Variants in CYP26B1 observed in about 807,000 individuals in gnomAD.
The protein encoded by CYP26B1 is cytochrome P450 26B1.
A neutral mutation model predicts 39.1 loss-of-function variants in CYP26B1; 8 were observed. The observed-to-expected ratio is 0.20, with a 90% CI of 0.12 to 0.37. CYP26B1 has a LOEUF of 0.37. Among genes scored for constraint, CYP26B1 ranks in the 10% least tolerant of loss-of-function variants. The pLI is 1.00. For missense variants in CYP26B1, 615 were observed against 707.0 expected, an observed-to-expected ratio of 0.87 and a Z score of 1.48; for synonymous variants, 321 against 314.3, an observed-to-expected ratio of 1.02 and a Z score of -0.23.
chr2:72,144,150 C>G lies in CYP26B1; in HGVS notation c.268G>C (p.Gly90Arg). ...CCGGTCACGCGTATCAGCGGCCGCC[C>G]CAACAAATGCGTCTTGAACACGTTG... ...YGNVFKTHLL[G>R]RPLIRVTGAE... The change falls in exon 2 of 6, where the codon GGG becomes CGG. Residue 90 changes from glycine to arginine, a missense_variant. By Grantham distance (125) the Gly-to-Arg change is moderately radical (BLOSUM62 -2). Coordinates refer to ENST00000001146, the MANE Select transcript of CYP26B1 (RefSeq NM_019885.4). The G allele has an allele frequency of 6.2e-7, 1 of 1,611,072 alleles. No homozygotes were observed. The highest frequency in any genetic ancestry group is 8.5e-7 in the Non-Finnish European group (1 of 1,177,528).
rs1040889301 is a variant in CYP26B1 at position 72,147,544 on chromosome 2, G to A, written c.204+87C>T. 4.3e-5 allele frequency: 59 copies of A among 1,363,414 alleles called. No homozygotes were observed. Among genetic ancestry groups the A allele is most frequent in the Non-Finnish European group, 5.5e-5 (56 of 1,026,896 alleles). 84.5% of individuals were successfully genotyped at this position (1,363,414 alleles called of 1,614,324 possible). On this transcript the variant is annotated intron_variant, in intron 1 of 5. Coordinates refer to ENST00000001146, the MANE Select transcript of CYP26B1 (RefSeq NM_019885.4). This position sits in a 1 kb window ranked among gnomAD's most constrained non-coding sequence, Gnocchi z 6.1. ...CGGGGACCAGTGCCTTCAGGCTCCC[G>A]GCGCCCCCTGGCCGGCCCGCCGCTC...
chr2:72,146,328 G>A (rs958861138), intron 1 of CYP26B1, among the ~76,000 whole-genome samples: 1 of 150,498 alleles, frequency 6.6e-6, no homozygotes, highest in Admixed American at 6.6e-5. Context: ...AAGTGTGGTG[G>A]CGAGGGAAAG....
Position 72,130,707 on chromosome 2 carries a change from G to C in CYP26B1, c.*1520C>G, listed in dbSNP as rs1005553385. 1 of 152,284 alleles carries C rather than the reference G, an allele frequency of 6.6e-6. No individual in the cohort carries two copies. Among genetic ancestry groups the C allele is most frequent in the East Asian group, 1.9e-4 (1 of 5,182 alleles). The allele number at this position is 152,284 out of a possible 1,614,324, so 9.4% of individuals were successfully genotyped here. A position where few individuals can be genotyped will look rare whatever the true frequency, so the allele number is the denominator to read the frequency against. On this transcript the variant is annotated 3_prime_UTR_variant, in exon 6 of 6. Transcript: ENST00000001146. The stretch of plus-strand genomic sequence containing the variant: ...CCTTCCCCAGGAGGCATCCCAAATT[G>C]CCAACACTCAAAACGCCAGTGGCAG...
At chr2:72,145,116 G>T (rs965879826) in intron 1 of CYP26B1, among the ~76,000 whole-genome samples, 1 of 152,174 alleles carries the variant, frequency 6.6e-6, no homozygotes, top group African/African-American at 2.4e-5. Context: ...CGGCGCAAAG[G>T]GGAGGGGCGC....
intron 2 of CYP26B1, among the ~76,000 whole-genome samples, chr2:72,139,488 T>A (rs1428922713): frequency 6.6e-6 from 1 of 152,146 alleles, no homozygotes; most frequent in African/African-American, 2.4e-5. Context: ...GCGAGGAGGC[T>A]GGCCCAGACC....
At position 72,130,429 on chromosome 2, in the gene CYP26B1, G is replaced by A. The variant is rs1676531115; in HGVS notation, c.*1798C>T. 6.6e-6 allele frequency: 1 copy of A among 152,206 alleles called. No individual in the cohort carries two copies. Among genetic ancestry groups the A allele is most frequent in the Non-Finnish European group, 1.5e-5 (1 of 68,074 alleles). 9.4% of individuals were successfully genotyped at this position (152,206 alleles called of 1,614,324 possible). On this transcript the variant is annotated 3_prime_UTR_variant, in exon 6 of 6. Coordinates refer to ENST00000001146, the MANE Select transcript of CYP26B1 (RefSeq NM_019885.4). Reference sequence around the variant, plus strand: ...CAGGGATTGGAGAGCAGTCTGTGTGGTATGGGCCCGTTCCTATAGTCTATC... The same window carrying A: ...CAGGGATTGGAGAGCAGTCTGTGTGATATGGGCCCGTTCCTATAGTCTATC...
In CYP26B1 at chr2:72,133,036, G is replaced by T; in HGVS notation, c.1133C>A (p.Thr378Asn). ...ISGGYRTVLQTFELDGFQIPK... is the reference protein window; with the variant it reads ...ISGGYRTVLQNFELDGFQIPK... ...GCCCAGCCTCACATCAAGCTCGAAG[G>T]TCTGCAGCACAGTGCGGTAGCCGCC... is the stretch of plus-strand genomic sequence containing the variant. Residue 378 changes from threonine to asparagine, a missense_variant, in exon 5 of 6, where the codon ACC (threonine) becomes AAC (asparagine). By Grantham distance (65) the Thr-to-Asn change is moderately conservative. Transcript: ENST00000001146. 6.2e-7 allele frequency: 1 copy of T among 1,613,230 alleles called. No homozygotes were observed. The highest frequency in any genetic ancestry group is 8.5e-7 in the Non-Finnish European group (1 of 1,179,986).
In CYP26B1 at chr2:72,134,838, C is replaced by A; in HGVS notation, c.784G>T (p.Asp262Tyr). ...REKLQCTQGK[D>Y]YLDALDLLIE... Reference sequence around the variant, plus strand: ...AGGAGGTCCAGGGCGTCCAAGTAGTCCTTGCCCTGTGTGCACTGCAGCTTC... The same window carrying A: ...AGGAGGTCCAGGGCGTCCAAGTAGTACTTGCCCTGTGTGCACTGCAGCTTC... Residue 262 changes from aspartate to tyrosine, a missense_variant, in exon 4 of 6, where the codon GAC (aspartate) becomes TAC (tyrosine). Physicochemically the swap from Asp to Tyr is radical, Grantham distance 160. Coordinates refer to ENST00000001146, the MANE Select transcript of CYP26B1 (RefSeq NM_019885.4). 6.2e-7 allele frequency: 1 copy of A among 1,614,192 alleles called. No individual in the cohort carries two copies. Among genetic ancestry groups the A allele is most frequent in the Non-Finnish European group, 8.5e-7 (1 of 1,180,022 alleles).
At chr2:72,138,378 C>T (rs1012545665) in intron 2 of CYP26B1, among the ~76,000 whole-genome samples, 10 of 152,040 alleles carry the variant, frequency 6.6e-5, no homozygotes, top group East Asian at 1.9e-4. Context: ...GGCGTCAGGG[C>T]GGGCTGGGTC....
In CYP26B1 at chr2:72,134,878, C is replaced by T; in HGVS notation, c.744G>A (p.Glu248=). 6.2e-7 allele frequency: 1 copy of T among 1,614,028 alleles called. No homozygotes were observed. The highest frequency in any genetic ancestry group is 1.1e-5 in the South Asian group (1 of 91,074). ...QARQILQKGL[E]KAIREKLQCT... ...ACTGCAGCTTCTCCCGGATGGCCTT[C>T]TCCAGCCCCTTCTGCAGGATCTGCC... is the stretch of plus-strand genomic sequence containing the variant. The change falls in exon 4 of 6, where the codon GAG becomes GAA. Residue 248 remains glutamate (E), a synonymous_variant. Coordinates refer to ENST00000001146, the MANE Select transcript of CYP26B1 (RefSeq NM_019885.4).
chr2:72,133,439 C>T (rs1676661071), intron 4 of CYP26B1, 132 bp from the exon 5 acceptor site: 1 of 1,191,942 alleles, frequency 8.4e-7, no homozygotes, highest in Middle Eastern at 2.7e-4. Flanking sequence ...GTGAATTCTG[C>T]TTCCTCTGAG....
At position 72,131,798 on chromosome 2, in the gene CYP26B1, G is replaced by T; in HGVS notation, c.*429C>A. On this transcript the variant is annotated 3_prime_UTR_variant, in exon 6 of 6. Coordinates refer to ENST00000001146, the MANE Select transcript of CYP26B1 (RefSeq NM_019885.4). ...CTGTTCCTGGGCAGACGCAGTGGGGGCGCAGGAGGAGGAGACGCTGAAGAG... is the reference window on the plus strand; with the variant it reads ...CTGTTCCTGGGCAGACGCAGTGGGGTCGCAGGAGGAGGAGACGCTGAAGAG... The T allele has an allele frequency of 5.6e-6, 1 of 178,374 alleles. No homozygotes were observed. The highest frequency in any genetic ancestry group is 2.4e-5 in the African/African-American group (1 of 42,210). The allele number at this position is 178,374 out of a possible 1,614,324, so 11.0% of individuals were successfully genotyped here. A position where few individuals can be genotyped will look rare whatever the true frequency, so the allele number is the denominator to read the frequency against.
rs1172934450 is a variant in CYP26B1, at chr2:72,130,560, T to C, written c.*1667A>G. On this transcript the variant is annotated 3_prime_UTR_variant, in exon 6 of 6. Coordinates refer to ENST00000001146, the MANE Select transcript of CYP26B1 (RefSeq NM_019885.4). ...TCACAGCAGCGATCGGGGACTGGCATGTCCTTCATTCTTCTGTGTTTTCGA... is the reference window on the plus strand; with the variant it reads ...TCACAGCAGCGATCGGGGACTGGCACGTCCTTCATTCTTCTGTGTTTTCGA... The C allele has an allele frequency of 6.6e-6, 1 of 152,204 alleles. No individual in the cohort carries two copies. The highest frequency in any genetic ancestry group is 2.4e-5 in the African/African-American group (1 of 41,448). The allele number at this position is 152,204 out of a possible 1,614,324, so 9.4% of individuals were successfully genotyped here.
chr2:72,141,650 T>G (rs1358483577), intron 2 of CYP26B1, among the ~76,000 whole-genome samples: 2 of 152,230 alleles, frequency 1.3e-5, no homozygotes, highest in African/African-American at 2.4e-5. Context: ...GCCCCCACCT[T>G]GGCCACAGTG....
At chr2:72,141,031 G>A (rs1346196365) in intron 2 of CYP26B1, among the ~76,000 whole-genome samples, 1 of 152,194 alleles carries the variant, frequency 6.6e-6, no homozygotes, top group Non-Finnish European at 1.5e-5. Context: ...ATCCTGGTGG[G>A]TAGAGCTGGG....
chr2:72,135,633 G>A (rs1459369713), intron 2 of CYP26B1, among the ~76,000 whole-genome samples: 2 of 152,198 alleles, frequency 1.3e-5, no homozygotes, highest in African/African-American at 4.8e-5. Context: ...CCAGAGCAGG[G>A]CGGCTGCCCT....
Position 72,132,185 on chromosome 2 carries a change from C to T in CYP26B1, c.*42G>A, listed in dbSNP as rs537630028. The T allele has an allele frequency of 8.4e-5, 132 of 1,574,400 alleles. No individual in the cohort carries two copies. In the East Asian group the frequency reaches 2.9e-3, roughly 35 times the overall value. On this transcript the variant is annotated 3_prime_UTR_variant, in exon 6 of 6. Coordinates refer to ENST00000001146, the MANE Select transcript of CYP26B1 (RefSeq NM_019885.4). ...ACAGGTTTCTACCTCCCACAACCAC[C>T]ACCCCGCTGCCTGGGCTGGGCTGAG...
In CYP26B1 at chr2:72,130,843, A is replaced by G. The variant is rs914634795; in HGVS notation, c.*1384T>C. On this transcript the variant is annotated 3_prime_UTR_variant, in exon 6 of 6. Coordinates refer to ENST00000001146, the MANE Select transcript of CYP26B1 (RefSeq NM_019885.4). ...GCTTCAGCTGCGGCAGCCTTCCCGC[A>G]GCTGTCCGGAGACCACACAGGGCCC... is the stretch of plus-strand genomic sequence containing the variant. 3 of 152,238 alleles carry G rather than the reference A, an allele frequency of 2.0e-5. No homozygotes were observed. Among genetic ancestry groups the G allele is most frequent in the South Asian group, 2.1e-4 (1 of 4,814 alleles). 9.4% of individuals were successfully genotyped at this position (152,238 alleles called of 1,614,324 possible).
In CYP26B1 at chr2:72,135,762, T is replaced by A. The variant is rs184404577; in HGVS notation, c.430-343A>T. Among the ~76,000 whole-genome samples, 156 of 152,240 alleles carry A rather than the reference T, an allele frequency of 1.0e-3. 1 individual carries two copies. The highest frequency in any genetic ancestry group is 3.6e-3 in the African/African-American group (148 of 41,548). On this transcript the variant is annotated intron_variant, in intron 2 of 5. Coordinates refer to ENST00000001146, the MANE Select transcript of CYP26B1 (RefSeq NM_019885.4). ...GGGAAGGCCATCGAGGGAAAGCTACTCCATGGGGTACAGCAAGAGAGCCTG... is the reference window on the plus strand; with the variant it reads ...GGGAAGGCCATCGAGGGAAAGCTACACCATGGGGTACAGCAAGAGAGCCTG...
Sources: gnomAD v4.1 joint callset for allele counts (sites outside exome capture counted in the v4.1 genomes callset) on GRCh38, gnomAD v4.1.1 for gene constraint, Gnocchi (gnomAD v3.1) non-coding constraint, MANE v1.5 for transcripts, NCBI Gene and HGNC (gene_info 2026-07-23, HGNC 2026-07-21) for gene names.